KIAA1671: variants seen among roughly 807,000 people sequenced by gnomAD.
KIAA1671 encodes KIAA1671.
A neutral mutation model predicts 131.2 loss-of-function variants in KIAA1671; 52 were observed. That is an observed-to-expected ratio of 0.40 (90% CI 0.32 to 0.50). The LOEUF (loss-of-function observed/expected upper bound fraction) is 0.50, where lower values mean the gene tolerates loss of function less well. Among genes scored for constraint, KIAA1671 ranks in the 20% least tolerant of loss-of-function variants. The probability of loss-of-function intolerance (pLI) is 0.73; values close to 1 mark genes in which losing one functional copy is unlikely to be tolerated. For missense variants in KIAA1671, 2,360 were observed against 2,364.2 expected, an observed-to-expected ratio of 1.00 and a Z score of 0.04; for synonymous variants, 1,003 against 961.6, an observed-to-expected ratio of 1.04 and a Z score of -0.80.
chr22:25,186,211 C>T (rs150711287), intron 11 of KIAA1671: 2,157 of 152,604 alleles, frequency 0.014, 23 homozygotes, highest in Middle Eastern at 0.068. Context: ...TTCTCTGACC[C>T]CTGTGATGGA....
chr22:25,151,361 T>C (rs567894592), intron 6 of KIAA1671, among the ~76,000 whole-genome samples: 1 of 149,044 alleles, frequency 6.7e-6, no homozygotes, highest in Admixed American at 6.7e-5. Flanking sequence ...CATATATTTT[T>C]GTTTATATAC....
chr22:25,011,036 G>A (rs1450713992), intron 1 of KIAA1671: 2 of 152,216 alleles, frequency 1.3e-5, no homozygotes, highest in Non-Finnish European at 2.9e-5. Context: ...GAGTGCAGTG[G>A]CGTGATCTTG....
chr22:25,116,730 A>G (rs893978853), intron 6 of KIAA1671, among the ~76,000 whole-genome samples: 2 of 152,172 alleles, frequency 1.3e-5, no homozygotes, highest in Non-Finnish European at 2.9e-5. Flanking sequence ...CCCCTCAGTC[A>G]GTATTTACTG....
intron 10 of KIAA1671, among the ~76,000 whole-genome samples, chr22:25,184,029 G>A (rs1479826028): frequency 6.6e-6 from 1 of 152,256 alleles, no homozygotes; most frequent in East Asian, 1.9e-4. Context: ...CACAGCTCCA[G>A]TCCACTGTGC....
intron 1 of KIAA1671, among the ~76,000 whole-genome samples, chr22:24,954,483 C>T (rs1264882624): frequency 1.3e-5 from 2 of 152,164 alleles, no homozygotes; most frequent in Non-Finnish European, 2.9e-5. Context: ...TGCAGAGTTT[C>T]AATGCAGTGT....
At chr22:24,961,362 G>A (rs1263817034) in intron 1 of KIAA1671, among the ~76,000 whole-genome samples, 2 of 152,182 alleles carry the variant, frequency 1.3e-5, no homozygotes, top group African/African-American at 4.8e-5. Flanking sequence ...ATGTACACAC[G>A]AGTCTTTCTG....
chr22:25,115,419 C>T (rs930127184), intron 6 of KIAA1671, among the ~76,000 whole-genome samples: 2 of 152,166 alleles, frequency 1.3e-5, no homozygotes, highest in African/African-American at 2.4e-5. Context: ...ACTGAGTGAC[C>T]TTGGGCAGCT....
At chr22:25,146,919 C>A (rs1451099384) in intron 6 of KIAA1671, among the ~76,000 whole-genome samples, 3 of 152,184 alleles carry the variant, frequency 2.0e-5, no homozygotes, top group African/African-American at 7.2e-5. Flanking sequence ...CCTTTCATCT[C>A]CCCTGGAGCT....
rs1050844084 is a variant in KIAA1671, at chr22:25,097,475, T to A, written c.4530+48111T>A. Among the ~76,000 whole-genome samples the A allele has an allele frequency of 2.0e-5, 3 of 152,326 alleles. No homozygotes were observed. In the East Asian group the frequency reaches 5.8e-4, roughly 29 times the overall value. The stretch of plus-strand genomic sequence containing the variant: ...AAGGTTGTAGGCTGGGTGCAGTGGC[T>A]CACGCCTGTAATCCCAGCACTTTGG... On this transcript the variant is annotated intron_variant, in intron 6 of 12. Transcript: ENST00000358431.
intron 6 of KIAA1671, among the ~76,000 whole-genome samples, chr22:25,078,613 T>C (rs1929235164): frequency 6.6e-6 from 1 of 152,118 alleles, no homozygotes; most frequent in African/African-American, 2.4e-5. Context: ...TGGGGACAAA[T>C]GGCCTTATCG....
chr22:25,118,618 G>GC (rs1413032173), intron 6 of KIAA1671, among the ~76,000 whole-genome samples: 1 of 151,876 alleles, frequency 6.6e-6, no homozygotes, highest in African/African-American at 2.4e-5. Context: ...GCCACTGTCA[G>GC]CCCCCCACAC....
chr22:25,070,813 T>G (rs1928781263), intron 6 of KIAA1671, among the ~76,000 whole-genome samples: 1 of 152,194 alleles, frequency 6.6e-6, no homozygotes, highest in East Asian at 1.9e-4. Flanking sequence ...AATGTCTGTC[T>G]TCTATGGGAT....
At chr22:24,967,661 C>G (rs1000338092) in intron 1 of KIAA1671, among the ~76,000 whole-genome samples, 1 of 152,168 alleles carries the variant, frequency 6.6e-6, no homozygotes, top group Non-Finnish European at 1.5e-5. Context: ...CATTGTCCCC[C>G]AGCCTTGAAG....
intron 1 of KIAA1671, among the ~76,000 whole-genome samples, chr22:24,985,729 T>C (rs59476823): frequency 0.063 from 9,278 of 147,060 alleles, 947 homozygotes; most frequent in African/African-American, 0.22. Flanking sequence ...AGAGAGAGAG[T>C]GTGTGAGTGT....
intron 6 of KIAA1671, chr22:25,051,526 T>G (rs990469651): frequency 2.0e-5 from 3 of 152,284 alleles, no homozygotes; most frequent in African/African-American, 7.2e-5. Context: ...AGCTTTTGCT[T>G]CTTTCTCCCT....
rs187113802 is a variant in KIAA1671 at position 25,089,177 on chromosome 22, G to A, written c.4530+39813G>A. Among the ~76,000 whole-genome samples, 304 of 151,484 alleles carry A rather than the reference G, an allele frequency of 2.0e-3. 1 individual carries two copies. In the Middle Eastern group the frequency reaches 0.027, roughly 14 times the overall value. On this transcript the variant is annotated intron_variant, in intron 6 of 12. Coordinates refer to ENST00000358431, the MANE Select transcript of KIAA1671 (RefSeq NM_001145206.2). Reference sequence around the variant, plus strand: ...AAATACTACCCAATTTTATGTAAGAGACTTAAGCATCTGTGGATTTATGTA... The same window carrying A: ...AAATACTACCCAATTTTATGTAAGAAACTTAAGCATCTGTGGATTTATGTA...
At chr22:24,963,653 G>A (rs1476631142) in intron 1 of KIAA1671, among the ~76,000 whole-genome samples, 1 of 151,986 alleles carries the variant, frequency 6.6e-6, no homozygotes, top group Non-Finnish European at 1.5e-5. Flanking sequence ...AGTTTTGCAG[G>A]AGATAGGCCG....
intron 7 of KIAA1671, 54 bp from the exon 8 acceptor site, chr22:25,174,186 G>A (rs747475637): frequency 2.5e-4 from 379 of 1,533,460 alleles, no homozygotes; most frequent in Non-Finnish European, 3.2e-4. Flanking sequence ...TTGAAATCCC[G>A]TTCTCTGAAA....
At chr22:25,146,660 G>A (rs2145969665) in intron 6 of KIAA1671, among the ~76,000 whole-genome samples, 1 of 152,252 alleles carries the variant, frequency 6.6e-6, no homozygotes, top group South Asian at 2.1e-4. Context: ...TTCCCCATCT[G>A]AAAAATGGGA....
Sources: allele counts gnomAD v4.1 joint callset (sites outside exome capture counted in the v4.1 genomes callset), GRCh38; gene constraint gnomAD v4.1.1; transcripts MANE v1.5; gene names NCBI Gene and HGNC (gene_info 2026-07-23, HGNC 2026-07-21).